Variants in MECOM observed in about 807,000 individuals in gnomAD.
The protein encoded by MECOM is histone-lysine N-methyltransferase MECOM.
Under a neutral mutation model 116.3 loss-of-function variants are expected in MECOM, and 13 were observed. The observed-to-expected ratio is 0.11, with a 90% CI of 0.07 to 0.18. MECOM has a LOEUF of 0.18. Ranked by LOEUF, MECOM falls within the 10% of genes least tolerant of loss-of-function variation. The pLI is 1.00. For missense variants in MECOM, 1,299 were observed against 1,509.0 expected (o/e 0.86, Z 2.31); for synonymous variants, 528 against 535.2 (o/e 0.99, Z 0.19).
intron 1 of MECOM, among the ~76,000 whole-genome samples, chr3:169,389,154 T>A (rs1459434274): frequency 6.6e-6 from 1 of 152,240 alleles, no homozygotes; most frequent in African/African-American, 2.4e-5. Flanking sequence ...GATTTGGGAA[T>A]TAAACTAGTA....
intron 2 of MECOM, among the ~76,000 whole-genome samples, chr3:169,173,332 C>G (rs953599495): frequency 6.6e-6 from 1 of 152,058 alleles, no homozygotes; most frequent in African/African-American, 2.4e-5. Context: ...TCAGCCTATT[C>G]TCCCTTTAAC....
intron 1 of MECOM, among the ~76,000 whole-genome samples, chr3:169,504,217 A>T (rs1404561134): frequency 6.9e-6 from 1 of 144,912 alleles, no homozygotes; most frequent in East Asian, 2.1e-4. Flanking sequence ...TGCACAACCT[A>T]ATGGAGAAGC....
intron 4 of MECOM, 91 bp from the exon 5 acceptor site, chr3:169,128,151 G>A (rs556081878): frequency 1.9e-5 from 20 of 1,053,414 alleles, no homozygotes; most frequent in South Asian, 1.9e-4. Flanking sequence ...GACATAATAG[G>A]TATTATTTGA....
intron 9 of MECOM, among the ~76,000 whole-genome samples, chr3:169,109,527 G>A (rs1375797722): frequency 3.3e-5 from 5 of 151,426 alleles, no homozygotes; most frequent in African/African-American, 9.7e-5. Context: ...TGATTCTCCT[G>A]CCTCAGCCTC....
At chr3:169,637,088 G>A (rs1016777492) in intron 1 of MECOM, among the ~76,000 whole-genome samples, 3 of 152,122 alleles carry the variant, frequency 2.0e-5, no homozygotes, top group African/African-American at 7.2e-5. Context: ...AAAAAGCCTT[G>A]CAGCTTAGAA....
Position 169,578,632 on chromosome 3 carries a change from A to C in MECOM, c.37+84704T>G, listed in dbSNP as rs150029578. On this transcript the variant is annotated intron_variant, in intron 1 of 16. Coordinates refer to ENST00000651503, the MANE Select transcript of MECOM (RefSeq NM_004991.4). ...AAACTTTAGCGTAATAGAGTAGCCT[A>C]AGTTAAACCAAAGTAAATAAGCAAT... Among the ~76,000 whole-genome samples the C allele has an allele frequency of 4.2e-4, 64 of 152,314 alleles. 1 individual carries two copies. Among genetic ancestry groups the C allele is most frequent in the African/African-American group, 1.5e-3 (63 of 41,568 alleles).
chr3:169,414,203 T>C (rs1230808260), intron 1 of MECOM, among the ~76,000 whole-genome samples: 1 of 152,206 alleles, frequency 6.6e-6, no homozygotes, highest in Non-Finnish European at 1.5e-5. Context: ...CAGGCAGCAA[T>C]CTTTGCTGTT....
intron 1 of MECOM, among the ~76,000 whole-genome samples, chr3:169,501,632 A>G (rs1283415028): frequency 6.6e-6 from 1 of 152,052 alleles, no homozygotes; most frequent in Non-Finnish European, 1.5e-5. Context: ...AACATAAAAC[A>G]TTCTTTCCTA....
At chr3:169,622,748 TA>T (rs1252594287) in intron 1 of MECOM, among the ~76,000 whole-genome samples, 2 of 152,296 alleles carry the variant, frequency 1.3e-5, no homozygotes, top group Non-Finnish European at 2.9e-5. Context: ...AAAGATAAGA[TA>T]AAACTCTCAT....
At chr3:169,252,875 T>C (rs776521353) in intron 2 of MECOM, among the ~76,000 whole-genome samples, 1 of 152,240 alleles carries the variant, frequency 6.6e-6, no homozygotes, top group Non-Finnish European at 1.5e-5. Context: ...TCTCAAACTT[T>C]GGATTTGGCA....
chr3:169,633,691 C>A (rs2109983327), intron 1 of MECOM, among the ~76,000 whole-genome samples: 1 of 152,154 alleles, frequency 6.6e-6, no homozygotes, highest in Middle Eastern at 3.4e-3. Context: ...GGGACCTCAG[C>A]CCCTTGTGCA....
chr3:169,406,393 A>G (rs1736697580), intron 1 of MECOM, among the ~76,000 whole-genome samples: 1 of 152,188 alleles, frequency 6.6e-6, no homozygotes, highest in African/African-American at 2.4e-5. Flanking sequence ...CTTATATTCT[A>G]TGAGTCCATC....
At chr3:169,161,041 A>C (rs1742767610) in intron 2 of MECOM, among the ~76,000 whole-genome samples, 1 of 152,192 alleles carries the variant, frequency 6.6e-6, no homozygotes, top group African/African-American at 2.4e-5. Context: ...CAACACGTAA[A>C]CCAACTTAGT....
At chr3:169,324,593 G>T (rs931097425) in intron 2 of MECOM, among the ~76,000 whole-genome samples, 1 of 152,200 alleles carries the variant, frequency 6.6e-6, no homozygotes, top group African/African-American at 2.4e-5. Context: ...TTTCGGCAAC[G>T]TGCCAAAGTC....
At chr3:169,306,066 T>C (rs1318213615) in intron 2 of MECOM, among the ~76,000 whole-genome samples, 6 of 152,328 alleles carry the variant, frequency 3.9e-5, no homozygotes, top group African/African-American at 1.4e-4. Flanking sequence ...CAAGTAAACA[T>C]ATTAATTCAA....
chr3:169,215,454 T>C (rs775054523), intron 2 of MECOM, among the ~76,000 whole-genome samples: 50 of 152,178 alleles, frequency 3.3e-4, no homozygotes, highest in Non-Finnish European at 1.8e-4. Context: ...CCATATCCTA[T>C]GTCCTTACTC....
chr3:169,584,452 C>T (rs1765529956), intron 1 of MECOM, among the ~76,000 whole-genome samples: 1 of 151,206 alleles, frequency 6.6e-6, no homozygotes, highest in Non-Finnish European at 1.5e-5. Flanking sequence ...GTAGTCCCAG[C>T]TACTCAGGAG....
At chr3:169,187,719 G>C (rs576030152) in intron 2 of MECOM, among the ~76,000 whole-genome samples, 2 of 152,192 alleles carry the variant, frequency 1.3e-5, no homozygotes, top group Admixed American at 6.6e-5. Context: ...AAAATGAAAT[G>C]GAACAAGAGA....
intron 1 of MECOM, among the ~76,000 whole-genome samples, chr3:169,394,110 CT>C (rs1734652267): frequency 6.6e-6 from 1 of 152,094 alleles, no homozygotes; most frequent in South Asian, 2.1e-4. Context: ...TGTTTTGTTG[CT>C]GTTGTTGTAT....
Sources: gnomAD v4.1 joint callset for allele counts (sites outside exome capture counted in the v4.1 genomes callset) on GRCh38, gnomAD v4.1.1 for gene constraint, MANE v1.5 for transcripts, NCBI Gene and HGNC (gene_info 2026-07-23, HGNC 2026-07-21) for gene names.